The following HNRNPUL2 variants were observed in gnomAD, a reference collection of about 807,000 sequenced individuals.
HNRNPUL2 encodes heterogeneous nuclear ribonucleoprotein U like 2.
HNRNPUL2 carries 27 observed loss-of-function variants against 102.2 expected under a neutral mutation model. That is an observed-to-expected ratio of 0.26 (90% CI 0.19 to 0.36). The LOEUF is 0.36. Among genes scored for constraint, HNRNPUL2 ranks in the 10% least tolerant of loss-of-function variants. HNRNPUL2 has a pLI of 1.00. For synonymous variants in HNRNPUL2, 458 were observed against 387.2 expected (o/e 1.18, Z -2.15); for missense variants, 936 against 981.1 (o/e 0.95, Z 0.61).
rs1474173805 is a variant in HNRNPUL2, at chr11:62,727,355, C to T, written c.-199G>A. On this transcript the variant is annotated 5_prime_UTR_variant, in exon 1 of 14. Coordinates refer to ENST00000301785, the MANE Select transcript of HNRNPUL2 (RefSeq NM_001079559.3). ...AGTGTTTGCTTCTCCTTCGTCTCCC[C>T]TCCCCCTTTCGGCTCACGGAGCCCA... 5.0e-6 allele frequency: 3 copies of T among 603,256 alleles called. No homozygotes were observed. Among genetic ancestry groups the T allele is most frequent in the African/African-American group, 1.9e-5 (1 of 51,326 alleles). The allele number at this position is 603,256 out of a possible 1,614,324, so 37.4% of individuals were successfully genotyped here.
chr11:62,726,530 A>T (rs2083748733), intron 1 of HNRNPUL2, 89 bp downstream of exon 1: 2 of 1,305,440 alleles, frequency 1.5e-6, no homozygotes, highest in Admixed American at 6.0e-5. Flanking sequence ...AAGCGAGAAC[A>T]AGGACTCGGA....
Position 62,724,345 on chromosome 11 carries a change from T to G in HNRNPUL2, c.620A>C (p.Lys207Thr). ...ATAGTAAGCTCGGCCATGTTCATCC[T>G]TCTCATCCCGCTGTCTCTTTACCCC... ...RRGVKRQRDEKDEHGRAYYEF... is the reference protein window; with the variant it reads ...RRGVKRQRDETDEHGRAYYEF... The change falls in exon 2 of 14, where the codon AAG becomes ACG. Residue 207 changes from lysine (K) to threonine (T), a missense_variant. Lys to Thr is a moderately conservative substitution (Grantham distance 78). This residue lies in a region of HNRNPUL2 where 609 missense variants were observed against 713.0 expected (regional missense o/e 0.85). Transcript: ENST00000301785. 1 of 1,614,228 alleles carries G rather than the reference T, an allele frequency of 6.2e-7. No individual in the cohort carries two copies. Among genetic ancestry groups the G allele is most frequent in the Non-Finnish European group, 8.5e-7 (1 of 1,180,038 alleles).
rs191675977 is a variant in HNRNPUL2, at chr11:62,718,939, C to T, written c.1780+1084G>A. ...CACCTAGGTTCAAGCAATTCTCTGCCTCAGCCTCCCGAGTAGCTGTGATTA... is the reference window on the plus strand; with the variant it reads ...CACCTAGGTTCAAGCAATTCTCTGCTTCAGCCTCCCGAGTAGCTGTGATTA... On this transcript the variant is annotated intron_variant, in intron 10 of 13. Coordinates refer to ENST00000301785, the MANE Select transcript of HNRNPUL2 (RefSeq NM_001079559.3). 7.2e-5 allele frequency among the ~76,000 whole-genome samples: 11 copies of T among 151,954 alleles called. No homozygotes were observed. The East Asian group carries it at 2.0e-3, about 27-fold the overall frequency.
In HNRNPUL2 at chr11:62,727,235, C is replaced by T. The variant is rs2083763454; in HGVS notation, c.-79G>A. On this transcript the variant is annotated 5_prime_UTR_variant, in exon 1 of 14. Transcript: ENST00000301785. ...CCGAGTCCGACCGCGCAGGCGCCGC[C>T]GCCGCCGCCCGCCTCCGCCTCACGC... The T allele has an allele frequency of 5.4e-6, 7 of 1,303,310 alleles. No individual in the cohort carries two copies. The highest frequency in any genetic ancestry group is 6.8e-6 in the Non-Finnish European group (7 of 1,029,876). 80.7% of individuals were successfully genotyped at this position (1,303,310 alleles called of 1,614,324 possible).
At position 62,714,379 on chromosome 11, in the gene HNRNPUL2, G is replaced by A. The variant is rs1161368309; in HGVS notation, c.*920C>T. Reference sequence around the variant, plus strand: ...ACGTTCCTTCTCTCGCACTGTAAGAGGACAGACACTCTAACAGGGATGATT... The same window carrying A: ...ACGTTCCTTCTCTCGCACTGTAAGAAGACAGACACTCTAACAGGGATGATT... On this transcript the variant is annotated 3_prime_UTR_variant, in exon 14 of 14. Transcript: ENST00000301785. 3.9e-5 allele frequency: 6 copies of A among 152,240 alleles called. No homozygotes were observed. The East Asian group carries it at 9.7e-4, about 25-fold the overall frequency. 9.4% of individuals were successfully genotyped at this position (152,240 alleles called of 1,614,324 possible). A position where few individuals can be genotyped will look rare whatever the true frequency, so the allele number is the denominator to read the frequency against.
chr11:62,715,504 C>T lies in HNRNPUL2; in HGVS notation c.2159G>A (p.Arg720Gln), dbSNP rs771878008. 6.8e-6 allele frequency: 11 copies of T among 1,609,262 alleles called. No individual in the cohort carries two copies. Among genetic ancestry groups the T allele is most frequent in the South Asian group, 4.4e-5 (4 of 90,960 alleles). The change falls in exon 13 of 14, where the codon CGG (arginine) becomes CAG (glutamine). Residue 720 changes from arginine (R) to glutamine (Q), a missense_variant. This residue lies in a region of HNRNPUL2 where 609 missense variants were observed against 713.0 expected (regional missense o/e 0.85). Transcript: ENST00000301785. ...CTATCCCAAGAAGATACTCACATCC[C>T]GATTGTATTGTCTGTAATAGTCTCT... ...RYRDYYRQYN[R>Q]DWQSYYYHHP...
chr11:62,725,247 G>A (rs1270086412), intron 1 of HNRNPUL2, among the ~76,000 whole-genome samples: 1 of 152,180 alleles, frequency 6.6e-6, no homozygotes, highest in East Asian at 1.9e-4. Flanking sequence ...GCCCAGGCTG[G>A]AGTGTAGTGG....
chr11:62,723,176 A>G (rs575994404), intron 4 of HNRNPUL2, among the ~76,000 whole-genome samples: 1 of 152,328 alleles, frequency 6.6e-6, no homozygotes, highest in South Asian at 2.1e-4. Flanking sequence ...TAATGAATAA[A>G]TGAACGGTCT....
Position 62,712,912 on chromosome 11 carries a change from T to C in HNRNPUL2, c.*2387A>G, listed in dbSNP as rs2134762395. The C allele has an allele frequency of 6.6e-6, 1 of 152,336 alleles. No homozygotes were observed. The allele number at this position is 152,336 out of a possible 1,614,324, so 9.4% of individuals were successfully genotyped here. ...CTGATAAAACACTAAACAAGTCTTCTAAGGAAAACAAGGCTAGGGATTCCT... is the reference window on the plus strand; with the variant it reads ...CTGATAAAACACTAAACAAGTCTTCCAAGGAAAACAAGGCTAGGGATTCCT... On this transcript the variant is annotated 3_prime_UTR_variant, in exon 14 of 14. Coordinates refer to ENST00000301785, the MANE Select transcript of HNRNPUL2 (RefSeq NM_001079559.3).
At position 62,712,647 on chromosome 11, in the gene HNRNPUL2, GTTAT is replaced by G. The variant is rs541221936; in HGVS notation, c.*2648_*2651del. 124 of 152,306 alleles carry G rather than the reference GTTAT, an allele frequency of 8.1e-4. No individual in the cohort carries two copies. Among genetic ancestry groups the G allele is most frequent in the African/African-American group, 2.3e-3 (94 of 41,568 alleles). 9.4% of individuals were successfully genotyped at this position (152,306 alleles called of 1,614,324 possible). A position where few individuals can be genotyped will look rare whatever the true frequency, so the allele number is the denominator to read the frequency against. On this transcript the variant is annotated 3_prime_UTR_variant, in exon 14 of 14. Coordinates refer to ENST00000301785, the MANE Select transcript of HNRNPUL2 (RefSeq NM_001079559.3). ...AGATAGGGTGAATTCAATCCAAATG[GTTAT>G]TTATTCTAAAACTGGAAGCTACTTT... is the stretch of plus-strand genomic sequence containing the variant.
chr11:62,722,489 G>A (rs72929447), intron 6 of HNRNPUL2, 109 bp from the exon 7 acceptor site: 36,504 of 1,449,090 alleles, frequency 0.025, 638 homozygotes, highest in Middle Eastern at 0.088. Flanking sequence ...GTAACTAAGC[G>A]AGCCACACAC....
chr11:62,724,103 G>T, intron 2 of HNRNPUL2, 113 bp from the exon 3 acceptor site: 1 of 1,181,404 alleles, frequency 8.5e-7, no homozygotes, highest in Non-Finnish European at 1.2e-6. Flanking sequence ...TCAAATCCCA[G>T]CAGACAGCTT....
intron 12 of HNRNPUL2, 52 bp from the exon 13 acceptor site, chr11:62,715,659 GACCC>G: frequency 7.9e-7 from 1 of 1,267,112 alleles, no homozygotes. Context: ...TTGGCAGCAT[GACCC>G]ACCGTGACCC....
chr11:62,724,497 C>T (rs777623945), intron 1 of HNRNPUL2, 71 bp from the exon 2 acceptor site: 1 of 1,532,540 alleles, frequency 6.5e-7, no homozygotes, highest in Non-Finnish European at 9.0e-7. Context: ...AACTAATAGA[C>T]ACTAACAGGG....
intron 9 of HNRNPUL2, among the ~76,000 whole-genome samples, 192 bp from the exon 10 acceptor site, chr11:62,720,383 T>C (rs2083692207): frequency 6.6e-6 from 1 of 151,820 alleles, no homozygotes; most frequent in East Asian, 1.9e-4. Flanking sequence ...TCATCTATAC[T>C]AAAATACAAA....
intron 10 of HNRNPUL2, among the ~76,000 whole-genome samples, chr11:62,719,444 C>G (rs1467369450): frequency 6.6e-6 from 1 of 152,130 alleles, no homozygotes; most frequent in African/African-American, 2.4e-5. Flanking sequence ...GGGTGAGACT[C>G]TGTCTCAAAA....
intron 11 of HNRNPUL2, 131 bp downstream of exon 11, chr11:62,716,844 ACAGGAAGAAATAAG>A (rs1400400182): frequency 2.9e-6 from 2 of 686,606 alleles, no homozygotes; most frequent in African/African-American, 1.8e-5. Flanking sequence ...GATAAAGAAC[ACAGGAAGAAATAAG>A]CTCCATGAAG....
chr11:62,714,931 CAG>C lies in HNRNPUL2; in HGVS notation c.*366_*367del, dbSNP rs2083647662. 1 of 188,836 alleles carries C rather than the reference CAG, an allele frequency of 5.3e-6. No homozygotes were observed. Among genetic ancestry groups the C allele is most frequent in the Admixed American group, 5.6e-5 (1 of 17,734 alleles). The allele number at this position is 188,836 out of a possible 1,614,324, so 11.7% of individuals were successfully genotyped here. On this transcript the variant is annotated 3_prime_UTR_variant, in exon 14 of 14. Coordinates refer to ENST00000301785, the MANE Select transcript of HNRNPUL2 (RefSeq NM_001079559.3). ...TACTTGGCTGCCAGTCCAGCTGCCTCAGAATGTCAGAAGGGTGCCATTTTCAG... is the reference window on the plus strand; with the variant it reads ...TACTTGGCTGCCAGTCCAGCTGCCTCAATGTCAGAAGGGTGCCATTTTCAG...
chr11:62,716,718 G>A (rs115049563), intron 11 of HNRNPUL2, among the ~76,000 whole-genome samples: 18 of 152,284 alleles, frequency 1.2e-4, no homozygotes, highest in African/African-American at 4.1e-4. Context: ...AGATGAGAAA[G>A]CCCAAGCATT....
Sources: gnomAD v4.1 joint callset for allele counts (sites outside exome capture counted in the v4.1 genomes callset) on GRCh38, gnomAD v4.1.1 for gene constraint, gnomAD v4.1.1 regional missense constraint, MANE v1.5 for transcripts, NCBI Gene and HGNC (gene_info 2026-07-23, HGNC 2026-07-21) for gene names.